The following FANCC variants were observed in gnomAD, a reference collection of about 807,000 sequenced individuals.
The protein encoded by FANCC is FA complementation group C.
FANCC carries 55 observed loss-of-function variants against 71.3 expected under a neutral mutation model. The ratio of observed to expected loss-of-function variants is 0.77; its 90% CI spans 0.62 to 0.97. FANCC has a LOEUF of 0.97. Ranked by LOEUF, FANCC falls within the 50% of genes least tolerant of loss-of-function variation. FANCC has a pLI of 0.00. For missense variants in FANCC, 678 were observed against 670.9 expected, an observed-to-expected ratio of 1.01 and a Z score of -0.12; for synonymous variants, 275 against 244.9, an observed-to-expected ratio of 1.12 and a Z score of -1.15.
intron 6 of FANCC, among the ~76,000 whole-genome samples, chr9:95,170,363 T>C (rs1564718021): frequency 1.3e-5 from 2 of 151,630 alleles, no homozygotes; most frequent in Non-Finnish European, 2.9e-5. Context: ...ACAAAGACAA[T>C]TTCTGATAGA....
At chr9:95,117,968 C>A (rs140146861) in intron 10 of FANCC, among the ~76,000 whole-genome samples, 1 of 151,284 alleles carries the variant, frequency 6.6e-6, no homozygotes, top group Admixed American at 6.6e-5. Context: ...GTGATCTGGC[C>A]GCCTCGGCCT....
At chr9:95,125,968 T>G (rs1825918685) in intron 9 of FANCC, among the ~76,000 whole-genome samples, 1 of 152,242 alleles carries the variant, frequency 6.6e-6, no homozygotes, top group African/African-American at 2.4e-5. Flanking sequence ...GCCAGCCACA[T>G]CTCAGCTTCA....
chr9:95,116,738 C>T (rs761066823), intron 11 of FANCC, among the ~76,000 whole-genome samples: 2 of 152,160 alleles, frequency 1.3e-5, no homozygotes, highest in Non-Finnish European at 2.9e-5. Flanking sequence ...CAACACCAGT[C>T]GAATGAAGGC....
rs4647552 is a variant in FANCC at position 95,101,122 on chromosome 9, C to T, written c.*585G>A. On this transcript the variant is annotated 3_prime_UTR_variant, in exon 15 of 15. Transcript: ENST00000289081. ...CAAATACAGAGTGGAAAGAGTGTGC[C>T]GGAGGCCCGGGCTTGGGTGTGCTGT... 1.7e-5 allele frequency: 4 copies of T among 240,538 alleles called. No homozygotes were observed. The highest frequency in any genetic ancestry group is 8.9e-5 in the African/African-American group (4 of 45,142). The allele number at this position is 240,538 out of a possible 1,614,324, so 14.9% of individuals were successfully genotyped here.
intron 1 of FANCC, among the ~76,000 whole-genome samples, chr9:95,265,656 G>C (rs553770215): frequency 6.6e-6 from 1 of 152,176 alleles, no homozygotes; most frequent in East Asian, 1.9e-4. Context: ...GAACACATTA[G>C]TTATTAAAAT....
Position 95,279,676 on chromosome 9 carries a change from G to A in FANCC, c.-78-30307C>T, listed in dbSNP as rs538359355. Reference sequence around the variant, plus strand: ...TAAACAATCCCATCAGGCTGGACACGGTGGCTCACACCTGTAATCCCAGCA... The same window carrying A: ...TAAACAATCCCATCAGGCTGGACACAGTGGCTCACACCTGTAATCCCAGCA... On this transcript the variant is annotated intron_variant, in intron 1 of 14. Coordinates refer to ENST00000289081, the MANE Select transcript of FANCC (RefSeq NM_000136.3). Among the ~76,000 whole-genome samples, 21 of 152,208 alleles carry A rather than the reference G, an allele frequency of 1.4e-4. No individual in the cohort carries two copies. In the South Asian group the frequency reaches 3.1e-3, roughly 23 times the overall value.
At chr9:95,121,102 T>G (rs1286994910) in intron 10 of FANCC, among the ~76,000 whole-genome samples, 2 of 152,218 alleles carry the variant, frequency 1.3e-5, no homozygotes, top group Non-Finnish European at 2.9e-5. Context: ...TCAAATAGAT[T>G]TTTAAAAATA....
intron 4 of FANCC, among the ~76,000 whole-genome samples, chr9:95,194,852 A>C (rs1827326923): frequency 6.6e-6 from 1 of 152,118 alleles, no homozygotes; most frequent in Non-Finnish European, 1.5e-5. Flanking sequence ...TGAGGTCCTA[A>C]CACAGTTGAT....
At chr9:95,292,652 C>CAAGAGCCACCGCATGCA in intron 1 of FANCC, 1 of 1,394,074 alleles carries the variant, frequency 7.2e-7, no homozygotes, top group South Asian at 1.2e-5. Context: ...TGCACCTGGT[C>CAAGAGCCACCGCATGCA]AAGAGCCACC....
intron 4 of FANCC, among the ~76,000 whole-genome samples, chr9:95,208,349 G>A (rs1320460124): frequency 6.6e-6 from 1 of 151,628 alleles, no homozygotes; most frequent in African/African-American, 2.4e-5. Context: ...CGCCTACCTC[G>A]GTCTCCCAAA....
chr9:95,292,381 T>C, intron 1 of FANCC: 7 of 1,025,856 alleles, frequency 6.8e-6, no homozygotes, highest in Non-Finnish European at 8.2e-6. Context: ...TCCACGGCTC[T>C]GGCGGCGGGT....
At position 95,285,903 on chromosome 9, in the gene FANCC, T is replaced by G. The variant is rs112154382; in HGVS notation, c.-79+31623A>C. On this transcript the variant is annotated intron_variant, in intron 1 of 14. Coordinates refer to ENST00000289081, the MANE Select transcript of FANCC (RefSeq NM_000136.3). ...ATATAAAAGGATGTTCACTGCATAT[T>G]TATTTACAATAGTAAAAAACTGCTA... Among the ~76,000 whole-genome samples the G allele has an allele frequency of 9.1e-4, 138 of 152,340 alleles. 2 individuals carry two copies. Among genetic ancestry groups the G allele is most frequent in the African/African-American group, 3.2e-3 (132 of 41,572 alleles).
At chr9:95,123,603 A>G (rs747417411) in intron 10 of FANCC, 2 of 596,072 alleles carry the variant, frequency 3.4e-6, no homozygotes, top group East Asian at 3.9e-5. Flanking sequence ...AACTGTGCCC[A>G]ATGTGTGCCC....
At chr9:95,180,761 A>G (rs1826302828) in intron 4 of FANCC, among the ~76,000 whole-genome samples, 2 of 152,144 alleles carry the variant, frequency 1.3e-5, no homozygotes, top group Non-Finnish European at 2.9e-5. Context: ...ATATATAATT[A>G]TATGTGTTAT....
intron 4 of FANCC, among the ~76,000 whole-genome samples, chr9:95,198,738 G>A (rs1273780277): frequency 6.6e-6 from 1 of 152,006 alleles, no homozygotes; most frequent in Non-Finnish European, 1.5e-5. Flanking sequence ...TTTTTTTTGT[G>A]TGTGTGGGGG....
At chr9:95,218,225 G>C (rs1165843274) in intron 4 of FANCC, among the ~76,000 whole-genome samples, 1 of 152,230 alleles carries the variant, frequency 6.6e-6, no homozygotes, top group African/African-American at 2.4e-5. Context: ...AGCACTTTGG[G>C]AGGCTAAGGT....
intron 4 of FANCC, among the ~76,000 whole-genome samples, chr9:95,204,674 GA>G (rs1316405182): frequency 6.6e-6 from 1 of 152,056 alleles, no homozygotes; most frequent in African/African-American, 2.4e-5. Flanking sequence ...TCCAAATGTT[GA>G]CTTCGAAAAT....
At chr9:95,183,954 T>C (rs1451406930) in intron 4 of FANCC, among the ~76,000 whole-genome samples, 1 of 152,230 alleles carries the variant, frequency 6.6e-6, no homozygotes, top group Non-Finnish European at 1.5e-5. Context: ...CACCAAAATG[T>C]ATTTCTCAGG....
intron 4 of FANCC, among the ~76,000 whole-genome samples, chr9:95,197,736 G>C (rs1448935432): frequency 6.6e-6 from 1 of 152,136 alleles, no homozygotes; most frequent in Non-Finnish European, 1.5e-5. Flanking sequence ...GTGGTGCTGG[G>C]CCCAAGAGGA....
Sources: allele counts gnomAD v4.1 joint callset (sites outside exome capture counted in the v4.1 genomes callset), GRCh38; gene constraint gnomAD v4.1.1; transcripts MANE v1.5; gene names NCBI Gene and HGNC (gene_info 2026-07-23, HGNC 2026-07-21).